The following PHKB variants were observed in gnomAD, a reference collection of about 807,000 sequenced individuals.
PHKB encodes the protein phosphorylase kinase regulatory subunit beta, also known as phosphorylase b kinase regulatory subunit beta.
Under a neutral mutation model 152.1 loss-of-function variants are expected in PHKB, and 122 were observed. The observed-to-expected ratio is 0.80, with a 90% CI of 0.69 to 0.93. The LOEUF is 0.93. PHKB is among the 40% of genes least tolerant of loss of function. PHKB has a pLI of 0.00. For synonymous variants in PHKB, 436 were observed against 464.9 expected, an observed-to-expected ratio of 0.94 and a Z score of 0.80; for missense variants, 1,304 against 1,328.4, an observed-to-expected ratio of 0.98 and a Z score of 0.29.
At chr16:47,678,500 T>G (rs1259586055) in intron 26 of PHKB, among the ~76,000 whole-genome samples, 1 of 152,162 alleles carries the variant, frequency 6.6e-6, no homozygotes. Flanking sequence ...TGGTTTTGAT[T>G]TGCATTTCTC....
chr16:47,658,549 G>T lies in PHKB; in HGVS notation c.1972-1957G>T, dbSNP rs549926177. ...ATGATGGACCACGTATACAATGGAG[G>T]TCTCATAAGATTTTAATACTGTATT... is the stretch of plus-strand genomic sequence containing the variant. On this transcript the variant is annotated intron_variant, in intron 20 of 30. Coordinates refer to ENST00000323584, the MANE Select transcript of PHKB (RefSeq NM_000293.3). 9.9e-5 allele frequency among the ~76,000 whole-genome samples: 15 copies of T among 152,184 alleles called. No individual in the cohort carries two copies. The East Asian group carries it at 2.7e-3, about 27-fold the overall frequency.
chr16:47,699,777 A>G lies in PHKB; in HGVS notation c.*411A>G. On this transcript the variant is annotated 3_prime_UTR_variant, in exon 31 of 31. Coordinates refer to ENST00000323584, the MANE Select transcript of PHKB (RefSeq NM_000293.3). ...CTGGAAATCAAAAGATACTGAAAGAATGGTGAACTTCTCTTAGTGGTATTG... is the reference window on the plus strand; with the variant it reads ...CTGGAAATCAAAAGATACTGAAAGAGTGGTGAACTTCTCTTAGTGGTATTG... 4.0e-6 allele frequency: 1 copy of G among 252,852 alleles called. No individual in the cohort carries two copies. Among genetic ancestry groups the G allele is most frequent in the African/African-American group, 2.2e-5 (1 of 45,170 alleles). 15.7% of individuals were successfully genotyped at this position (252,852 alleles called of 1,614,324 possible). A position where few individuals can be genotyped will look rare whatever the true frequency, so the allele number is the denominator to read the frequency against.
At chr16:47,537,709 G>C (rs374461409) in intron 6 of PHKB, among the ~76,000 whole-genome samples, 2 of 152,022 alleles carry the variant, frequency 1.3e-5, no homozygotes, top group African/African-American at 4.8e-5. Flanking sequence ...GGGGAAAAAA[G>C]CAGAATTGAA....
chr16:47,626,114 T>C (rs1972705086), intron 14 of PHKB, among the ~76,000 whole-genome samples: 1 of 152,202 alleles, frequency 6.6e-6, no homozygotes, highest in Non-Finnish European at 1.5e-5. Flanking sequence ...CAGAAACCTT[T>C]CTAGTGTATA....
intron 16 of PHKB, among the ~76,000 whole-genome samples, chr16:47,646,481 GTAAC>G (rs1338164396): frequency 7.9e-6 from 1 of 125,906 alleles, no homozygotes; most frequent in African/African-American, 3.1e-5. Context: ...GTATACATAT[GTAAC>G]TAACCTGCAC....
intron 1 of PHKB, among the ~76,000 whole-genome samples, chr16:47,475,735 C>T (rs1338611307): frequency 6.6e-6 from 1 of 152,136 alleles, no homozygotes; most frequent in Non-Finnish European, 1.5e-5. Flanking sequence ...AAAAAATAAT[C>T]TTAATTAAGC....
intron 6 of PHKB, among the ~76,000 whole-genome samples, chr16:47,526,277 C>T (rs1009643581): frequency 2.6e-5 from 4 of 151,954 alleles, no homozygotes; most frequent in East Asian, 1.9e-4. Context: ...GGCATGGTGG[C>T]GGGCACCTGT....
At chr16:47,588,784 G>A (rs1238964805) in intron 9 of PHKB, 121 bp from the exon 10 acceptor site, 2 of 782,960 alleles carry the variant, frequency 2.6e-6, no homozygotes, top group Non-Finnish European at 2.2e-6. Flanking sequence ...GATCCTGGGA[G>A]CAGAGCGTGC....
At chr16:47,629,862 A>G (rs1381357932) in intron 14 of PHKB, among the ~76,000 whole-genome samples, 1 of 152,200 alleles carries the variant, frequency 6.6e-6, no homozygotes, top group Admixed American at 6.5e-5. Flanking sequence ...TGATGAGTTC[A>G]TGTCCTTTGT....
Position 47,699,402 on chromosome 16 carries a change from T to G in PHKB, c.*36T>G. On this transcript the variant is annotated 3_prime_UTR_variant, in exon 31 of 31. Transcript: ENST00000323584. Reference sequence around the variant, plus strand: ...GTAGGAAGCTCTGTTGAGACACATGTTCTGAAGTGTGTTGTGTTTCATGTT... The same window carrying G: ...GTAGGAAGCTCTGTTGAGACACATGGTCTGAAGTGTGTTGTGTTTCATGTT... 5 of 1,610,742 alleles carry G rather than the reference T, an allele frequency of 3.1e-6. No individual in the cohort carries two copies. Among genetic ancestry groups the G allele is most frequent in the Non-Finnish European group, 4.2e-6 (5 of 1,176,862 alleles).
At chr16:47,511,986 A>C (rs534583933) in intron 5 of PHKB, among the ~76,000 whole-genome samples, 1 of 152,204 alleles carries the variant, frequency 6.6e-6, no homozygotes, top group South Asian at 2.1e-4. Context: ...TCGCATGTGC[A>C]GCTCACAATA....
intron 6 of PHKB, among the ~76,000 whole-genome samples, chr16:47,517,128 T>G (rs1970611046): frequency 6.6e-6 from 1 of 152,102 alleles, no homozygotes; most frequent in Non-Finnish European, 1.5e-5. Context: ...GCTTCTCAAT[T>G]TTTCCACCCA....
intron 16 of PHKB, among the ~76,000 whole-genome samples, chr16:47,647,707 C>T (rs1057413011): frequency 2.0e-5 from 3 of 151,764 alleles, no homozygotes; most frequent in African/African-American, 7.3e-5. Flanking sequence ...CCATGTTAGC[C>T]AGGGTGGTCT....
intron 1 of PHKB, among the ~76,000 whole-genome samples, chr16:47,490,225 T>C (rs1487763989): frequency 1.3e-5 from 2 of 152,202 alleles, no homozygotes; most frequent in Non-Finnish European, 2.9e-5. Context: ...CAGAAACCTG[T>C]ATTTGAGAGC....
chr16:47,512,768 A>G (rs889818045), intron 5 of PHKB, among the ~76,000 whole-genome samples: 5 of 152,000 alleles, frequency 3.3e-5, no homozygotes, highest in African/African-American at 1.2e-4. Context: ...TGTTTAATTG[A>G]TTTTCTGCTC....
At chr16:47,573,094 G>A (rs1228933173) in intron 7 of PHKB, among the ~76,000 whole-genome samples, 4 of 152,148 alleles carry the variant, frequency 2.6e-5, no homozygotes, top group Non-Finnish European at 4.4e-5. Flanking sequence ...CTTGTAAACA[G>A]CCCCCAATAC....
At chr16:47,650,766 G>A in intron 19 of PHKB, 65 bp from the exon 20 acceptor site, 1 of 1,316,418 alleles carries the variant, frequency 7.6e-7, no homozygotes, top group Admixed American at 1.8e-5. Context: ...GGGGCACTTA[G>A]TATTAGATTA....
chr16:47,669,086 T>TA, intron 25 of PHKB, 129 bp from the exon 26 acceptor site: 1 of 687,692 alleles, frequency 1.5e-6, no homozygotes. Context: ...CAGGAACAGT[T>TA]ATTCTACCTA....
intron 6 of PHKB, among the ~76,000 whole-genome samples, chr16:47,543,325 C>T (rs1971096786): frequency 6.6e-6 from 1 of 152,290 alleles, no homozygotes; most frequent in East Asian, 1.9e-4. Context: ...ATGTATTGAA[C>T]CAGCCTTGCA....
Sources: gnomAD v4.1 joint callset for allele counts (sites outside exome capture counted in the v4.1 genomes callset) on GRCh38, gnomAD v4.1.1 for gene constraint, MANE v1.5 for transcripts, NCBI Gene and HGNC (gene_info 2026-07-23, HGNC 2026-07-21) for gene names.